The following PRDM16 variants were observed in gnomAD, a reference collection of about 807,000 sequenced individuals.
PRDM16 encodes PR/SET domain 16.
A neutral mutation model predicts 110.6 loss-of-function variants in PRDM16; 23 were observed. The ratio of observed to expected loss-of-function variants is 0.21; its 90% CI spans 0.15 to 0.29. The LOEUF (loss-of-function observed/expected upper bound fraction) is 0.29. Among genes scored for constraint, PRDM16 ranks in the 10% least tolerant of loss-of-function variants. The probability of loss-of-function intolerance (pLI) is 1.00; values close to 1 mark genes in which losing one functional copy is unlikely to be tolerated. For synonymous variants in PRDM16, 799 were observed against 781.8 expected, an observed-to-expected ratio of 1.02 and a Z score of -0.37; for missense variants, 1,615 against 1,794.3, an observed-to-expected ratio of 0.90 and a Z score of 1.81.
At chr1:3,318,193 C>G (rs916317119) in intron 3 of PRDM16, among the ~76,000 whole-genome samples, 5 of 152,152 alleles carry the variant, frequency 3.3e-5, no homozygotes, top group African/African-American at 1.2e-4. Flanking sequence ...AATTCAATGA[C>G]AAGGGAAGAC....
intron 1 of PRDM16, among the ~76,000 whole-genome samples, chr1:3,077,727 T>A (rs981164539): frequency 3.9e-5 from 6 of 152,000 alleles, no homozygotes; most frequent in Non-Finnish European, 7.4e-5. Context: ...TTGTGCAGGG[T>A]GGGTGTGCAG....
chr1:3,277,705 G>C (rs1211383973), intron 3 of PRDM16, among the ~76,000 whole-genome samples: 2 of 151,926 alleles, frequency 1.3e-5, no homozygotes, highest in Non-Finnish European at 2.9e-5. Flanking sequence ...AGTAGCCCTT[G>C]TTCACCCACA....
intron 3 of PRDM16, among the ~76,000 whole-genome samples, chr1:3,319,631 C>T (rs1408404984): frequency 6.6e-6 from 1 of 152,112 alleles, no homozygotes; most frequent in Non-Finnish European, 1.5e-5. Flanking sequence ...GTCAGGCGCT[C>T]CTCTCTCCTC....
chr1:3,306,984 G>C (rs940543303), intron 3 of PRDM16: 6 of 152,168 alleles, frequency 3.9e-5, no homozygotes, highest in Admixed American at 3.3e-4. Flanking sequence ...TCCCAGGTTC[G>C]CCCACTTTGT....
intron 1 of PRDM16, among the ~76,000 whole-genome samples, chr1:3,130,664 C>T (rs1348582570): frequency 1.3e-5 from 2 of 151,912 alleles, no homozygotes; most frequent in Non-Finnish European, 2.9e-5. Context: ...TCTTTGGGGA[C>T]GTTTGTCTTC....
Position 3,173,052 on chromosome 1 carries a change from C to G in PRDM16, c.38-13073C>G, listed in dbSNP as rs554873087. ...CAACACCGCCTGGTATTTGAGGGGT[C>G]CAGTGCATGCACAGTGAAGGGTTAA... On this transcript the variant is annotated intron_variant, in intron 1 of 16. Coordinates refer to ENST00000270722, the MANE Select transcript of PRDM16 (RefSeq NM_022114.4). Among the ~76,000 whole-genome samples, 3 of 152,276 alleles carry G rather than the reference C, an allele frequency of 2.0e-5. No individual in the cohort carries two copies. The South Asian group carries it at 6.2e-4, about 32-fold the overall frequency.
chr1:3,272,129 C>T (rs913798659), intron 3 of PRDM16, among the ~76,000 whole-genome samples: 1 of 152,224 alleles, frequency 6.6e-6, no homozygotes, highest in Middle Eastern at 3.2e-3. Context: ...GTGCTCAAAC[C>T]CCAGGGAATC....
rs752922142 is a variant in PRDM16, at chr1:3,412,733, C to T, written c.2536C>T (p.Arg846Trp). The T allele has an allele frequency of 1.0e-5, 15 of 1,506,826 alleles. No homozygotes were observed. The highest frequency in any genetic ancestry group is 9.9e-5 in the African/African-American group (7 of 70,968). The allele number at this position is 1,506,826 out of a possible 1,614,324, so 93.3% of individuals were successfully genotyped here. A position where few individuals can be genotyped will look rare whatever the true frequency, so the allele number is the denominator to read the frequency against. The change falls in exon 9 of 17, where the codon CGG (arginine) becomes TGG (tryptophan). Residue 846 changes from arginine to tryptophan, a missense_variant. Arg to Trp is a moderately radical substitution (Grantham distance 101). Around this residue, in one of 5 missense-constraint regions of PRDM16, gnomAD observed 772 missense variants for 748.3 expected, o/e 1.03. Coordinates refer to ENST00000270722, the MANE Select transcript of PRDM16 (RefSeq NM_022114.4). The stretch of plus-strand genomic sequence containing the variant: ...GGGGCTGCCCCAGGTGTGCCCGGCG[C>T]GGATGCCCCAGCAGCCCCCGCTCCA... ...GEGLPQVCPARMPQQPPLHYA... is the reference protein window; with the variant it reads ...GEGLPQVCPAWMPQQPPLHYA...
Position 3,092,569 on chromosome 1 carries a change from G to A in PRDM16, c.37+23273G>A, listed in dbSNP as rs1211126210. The stretch of plus-strand genomic sequence containing the variant: ...ATCCAGCACTCACCATTTCTGGTCA[G>A]CGAGTGGGAAATGAGTGGGAGGCAC... On this transcript the variant is annotated intron_variant, in intron 1 of 16. Transcript: ENST00000270722. Among the ~76,000 whole-genome samples the A allele has an allele frequency of 2.0e-5, 3 of 152,228 alleles. No individual in the cohort carries two copies. The East Asian group carries it at 5.8e-4, about 29-fold the overall frequency.
rs547579075 is a variant in PRDM16, at chr1:3,370,334, C to G, written c.439-14818C>G. 2.0e-5 allele frequency among the ~76,000 whole-genome samples: 3 copies of G among 152,184 alleles called. No homozygotes were observed. Among genetic ancestry groups the G allele is most frequent in the East Asian group, 3.9e-4 (2 of 5,180 alleles). ...GCTTTCCACATCCCTCAGCAGAGCCCGTGAATAAGAAGGGAAAGGATTTGA... is the reference window on the plus strand; with the variant it reads ...GCTTTCCACATCCCTCAGCAGAGCCGGTGAATAAGAAGGGAAAGGATTTGA... On this transcript the variant is annotated intron_variant, in intron 3 of 16. Coordinates refer to ENST00000270722, the MANE Select transcript of PRDM16 (RefSeq NM_022114.4). The surrounding 1 kb of genome is among the most constrained non-coding windows in gnomAD (Gnocchi z 4.8).
chr1:3,397,796 G>A (rs1213701482), intron 5 of PRDM16, among the ~76,000 whole-genome samples: 3 of 152,210 alleles, frequency 2.0e-5, no homozygotes, highest in Non-Finnish European at 2.9e-5. Flanking sequence ...CTGATTTCAC[G>A]GTGAAGGAAT....
chr1:3,251,857 G>C (rs1327770992), intron 3 of PRDM16, among the ~76,000 whole-genome samples: 1 of 152,250 alleles, frequency 6.6e-6, no homozygotes, highest in Non-Finnish European at 1.5e-5. Context: ...GAGAAAAATA[G>C]ATCAGCTCTG....
intron 3 of PRDM16, among the ~76,000 whole-genome samples, chr1:3,365,943 C>T (rs1005719839): frequency 2.2e-5 from 2 of 91,736 alleles, no homozygotes; most frequent in East Asian, 3.9e-4. Flanking sequence ...TGCACACAAA[C>T]GCACACGCAT....
intron 1 of PRDM16, among the ~76,000 whole-genome samples, chr1:3,110,885 G>A (rs1322425950): frequency 4.6e-5 from 7 of 152,204 alleles, no homozygotes; most frequent in Non-Finnish European, 5.9e-5. Flanking sequence ...AACAGTTGCC[G>A]AGTCCTTGCC....
At chr1:3,235,320 C>T (rs766244630) in intron 2 of PRDM16, among the ~76,000 whole-genome samples, 2 of 152,218 alleles carry the variant, frequency 1.3e-5, no homozygotes, top group Non-Finnish European at 2.9e-5. Context: ...TTGGACTGGC[C>T]GCTGCTTCCC....
At chr1:3,146,273 G>A (rs997135470) in intron 1 of PRDM16, among the ~76,000 whole-genome samples, 4 of 152,232 alleles carry the variant, frequency 2.6e-5, no homozygotes, top group Non-Finnish European at 4.4e-5. Flanking sequence ...TGGGGTGGGG[G>A]GGGCCTCCCC....
chr1:3,428,440 G>A (rs115862652), intron 14 of PRDM16, among the ~76,000 whole-genome samples: 108 of 152,318 alleles, frequency 7.1e-4, no homozygotes, highest in Middle Eastern at 3.4e-3. Flanking sequence ...GGGTGGGGAC[G>A]AGGGAGGCTC....
intron 3 of PRDM16, among the ~76,000 whole-genome samples, chr1:3,283,601 A>T (rs1640773295): frequency 6.6e-6 from 1 of 152,180 alleles, no homozygotes; most frequent in African/African-American, 2.4e-5. Context: ...TCAGAGGAAG[A>T]GAGAGGGGAC....
In PRDM16 at chr1:3,365,736, G is replaced by A. The variant is rs541494790; in HGVS notation, c.439-19416G>A. On this transcript the variant is annotated intron_variant, in intron 3 of 16. Transcript: ENST00000270722. Reference sequence around the variant, plus strand: ...GCTCCCGTCACCTCGCCGCGGCCTCGTTTCCATTCTGCAGCAGCCAAAGGT... The same window carrying A: ...GCTCCCGTCACCTCGCCGCGGCCTCATTTCCATTCTGCAGCAGCCAAAGGT... Among the ~76,000 whole-genome samples the A allele has an allele frequency of 1.4e-4, 21 of 152,340 alleles. No homozygotes were observed. The East Asian group carries it at 1.5e-3, about 11-fold the overall frequency.
Sources: gnomAD v4.1 joint callset for allele counts (sites outside exome capture counted in the v4.1 genomes callset) on GRCh38, gnomAD v4.1.1 for gene constraint, gnomAD v4.1.1 regional missense constraint, Gnocchi (gnomAD v3.1) non-coding constraint, MANE v1.5 for transcripts, NCBI Gene and HGNC (gene_info 2026-07-23, HGNC 2026-07-21) for gene names.